The following ARMC2 variants were observed in gnomAD, a reference collection of about 807,000 sequenced individuals.
The protein encoded by ARMC2 is armadillo repeat containing 2, also known as armadillo repeat-containing protein 2.
Under a neutral mutation model 90.3 loss-of-function variants are expected in ARMC2, and 67 were observed. The observed-to-expected ratio is 0.74, with a 90% CI of 0.61 to 0.91. The LOEUF is 0.91. Ranked by LOEUF, ARMC2 falls within the 40% of genes least tolerant of loss-of-function variation. ARMC2 has a pLI of 0.00. For synonymous variants in ARMC2, 393 were observed against 393.0 expected (o/e 1.00, Z 0.00); for missense variants, 920 against 1,030.9 (o/e 0.89, Z 1.47).
At chr6:108,918,877 A>C (rs2754816) in intron 10 of ARMC2, among the ~76,000 whole-genome samples, 111,112 of 152,132 alleles carry the variant, frequency 0.73, 41,101 homozygotes, top group Middle Eastern at 0.81. Flanking sequence ...AGAATTACCC[A>C]AACCTGAAGC....
intron 14 of ARMC2, 73 bp downstream of exon 14, chr6:108,961,767 C>T (rs1269833365): frequency 4.1e-6 from 6 of 1,459,106 alleles, no homozygotes; most frequent in Non-Finnish European, 5.5e-6. Context: ...AAACACAGAG[C>T]AGGAGACATT....
chr6:108,912,192 A>G (rs1032029262), intron 9 of ARMC2, 143 bp from the exon 10 acceptor site: 7 of 631,164 alleles, frequency 1.1e-5, no homozygotes, highest in Non-Finnish European at 1.6e-5. Flanking sequence ...CTCTTATACT[A>G]TATAACTCTT....
intron 12 of ARMC2, among the ~76,000 whole-genome samples, chr6:108,947,701 A>C (rs1465174275): frequency 6.6e-6 from 1 of 152,172 alleles, no homozygotes. Flanking sequence ...TGTTGAGGTC[A>C]GTCTTCTTCC....
intron 12 of ARMC2, among the ~76,000 whole-genome samples, chr6:108,942,617 CA>C (rs1457826808): frequency 6.6e-6 from 1 of 150,718 alleles, no homozygotes; most frequent in Admixed American, 6.6e-5. Flanking sequence ...TTTTTTTTTT[CA>C]GCTCCTGGAA....
At chr6:109,024,127 A>G in the ARMC2 span, among the ~76,000 whole-genome samples, 1 of 152,232 alleles carries the variant, frequency 6.6e-6, no homozygotes, top group African/African-American at 2.4e-5. Flanking sequence ...ATTAAAAAAA[A>G]GATGTAAAAT....
At chr6:108,854,778 C>T (rs572599612) in intron 2 of ARMC2, among the ~76,000 whole-genome samples, 149 of 152,292 alleles carry the variant, frequency 9.8e-4, no homozygotes, top group Middle Eastern at 3.4e-3. Context: ...TTGGCGTTCA[C>T]TCTTGGTGTT....
chr6:109,039,283 A>C, the ARMC2 span, among the ~76,000 whole-genome samples: 3 of 152,248 alleles, frequency 2.0e-5, no homozygotes, highest in Non-Finnish European at 4.4e-5. Flanking sequence ...ATTTGTATGG[A>C]ATATAAATTG....
intron 17 of ARMC2, among the ~76,000 whole-genome samples, chr6:108,969,284 A>T (rs1033461274): frequency 6.6e-5 from 10 of 152,232 alleles, no homozygotes; most frequent in Non-Finnish European, 1.0e-4. Context: ...TAAATCCCTT[A>T]AACAGCCATC....
At chr6:108,949,572 G>T (rs572335226) in intron 12 of ARMC2, among the ~76,000 whole-genome samples, 2 of 152,298 alleles carry the variant, frequency 1.3e-5, no homozygotes, top group Non-Finnish European at 2.9e-5. Context: ...ATCAGATGAA[G>T]TTCTTCTTTA....
intron 11 of ARMC2, among the ~76,000 whole-genome samples, chr6:108,935,073 C>A (rs1161131157): frequency 2.6e-5 from 4 of 152,090 alleles, no homozygotes; most frequent in Admixed American, 6.6e-5. Flanking sequence ...CAGTTGAAAC[C>A]GTATCCTGGC....
chr6:109,026,262 A>T, the ARMC2 span, among the ~76,000 whole-genome samples: 1 of 152,220 alleles, frequency 6.6e-6, no homozygotes, highest in Non-Finnish European at 1.5e-5. Context: ...CAGATCCTCA[A>T]CTGAAGGAGT....
chr6:108,991,138 T>C, the ARMC2 span, among the ~76,000 whole-genome samples: 1 of 152,120 alleles, frequency 6.6e-6, no homozygotes, highest in South Asian at 2.1e-4. Flanking sequence ...TCTTTCACTC[T>C]CTCTCCACTC....
intron 16 of ARMC2, 90 bp from the exon 17 acceptor site, chr6:108,964,890 T>A (rs569144210): frequency 1.0e-6 from 1 of 980,134 alleles, no homozygotes; most frequent in African/African-American, 1.6e-5. Flanking sequence ...TACTTACATA[T>A]CACAGAAGGA....
the ARMC2 span, among the ~76,000 whole-genome samples, chr6:109,005,998 T>C: frequency 5.9e-5 from 9 of 152,190 alleles, no homozygotes; most frequent in Non-Finnish European, 1.0e-4. Context: ...GAGAACCAAA[T>C]TGCCTTTCAG....
chr6:108,904,553 C>G, intron 8 of ARMC2, 148 bp downstream of exon 8: 1 of 684,972 alleles, frequency 1.5e-6, no homozygotes, highest in Non-Finnish European at 2.2e-6. Context: ...ACTGACATCT[C>G]AGAATTTGAC....
At chr6:108,917,257 C>G (rs180708217) in intron 10 of ARMC2, among the ~76,000 whole-genome samples, 1 of 152,216 alleles carries the variant, frequency 6.6e-6, no homozygotes, top group East Asian at 1.9e-4. Context: ...CCCCTACCCC[C>G]GCTTCTCTGG....
the ARMC2 span, among the ~76,000 whole-genome samples, chr6:109,010,184 T>G: frequency 1.3e-5 from 2 of 152,174 alleles, no homozygotes; most frequent in Non-Finnish European, 2.9e-5. Flanking sequence ...ATTTCTAATA[T>G]TCCTTCATAA....
Position 108,904,337 on chromosome 6 carries a change from A to G in ARMC2, c.955A>G (p.Thr319Ala). 6.2e-7 allele frequency: 1 copy of G among 1,613,778 alleles called. No individual in the cohort carries two copies. Among genetic ancestry groups the G allele is most frequent in the Non-Finnish European group, 8.5e-7 (1 of 1,179,812 alleles). Reference protein sequence around the residue: ...KFKGRSILLKTLCKLVDVGSD... With the variant: ...KFKGRSILLKALCKLVDVGSD... The stretch of plus-strand genomic sequence containing the variant: ...TAAGGGAAGAAGTATTCTCCTGAAG[A>G]CCCTGTGTAAACTAGTTGATGTTGG... The change falls in exon 8 of 18, where the codon ACC (threonine) becomes GCC (alanine). Residue 319 changes from threonine (T) to alanine (A), a missense_variant. Transcript: ENST00000392644.
At chr6:108,887,364 G>C (rs1019088027) in intron 5 of ARMC2, among the ~76,000 whole-genome samples, 8 of 152,192 alleles carry the variant, frequency 5.3e-5, no homozygotes, top group African/African-American at 1.9e-4. Flanking sequence ...GATTGGTTCT[G>C]GCTGTTCAGA....
Sources: gnomAD v4.1 joint callset for allele counts (sites outside exome capture counted in the v4.1 genomes callset) on GRCh38, gnomAD v4.1.1 for gene constraint, MANE v1.5 for transcripts, NCBI Gene and HGNC (gene_info 2026-07-23, HGNC 2026-07-21) for gene names.